Variants in EML5 observed in about 807,000 individuals in gnomAD.
EML5 encodes echinoderm microtubule-associated protein-like 5.
EML5 carries 120 observed loss-of-function variants against 250.0 expected under a neutral mutation model. The ratio of observed to expected loss-of-function variants is 0.48; its 90% CI spans 0.41 to 0.56. The LOEUF (loss-of-function observed/expected upper bound fraction) is 0.56, where lower values mean the gene tolerates loss of function less well. Among genes scored for constraint, EML5 ranks in the 20% least tolerant of loss-of-function variants. The pLI is 0.00. For missense variants in EML5, 2,006 were observed against 2,437.6 expected (o/e 0.82, Z 3.73); for synonymous variants, 771 against 806.5 (o/e 0.96, Z 0.75).
intron 23 of EML5, 109 bp from the exon 24 acceptor site, chr14:88,663,228 A>G (rs968912901): frequency 8.0e-6 from 5 of 627,976 alleles, no homozygotes; most frequent in African/African-American, 7.7e-5. Flanking sequence ...AAATATAAAA[A>G]CCATTTTCTG....
chr14:88,658,765 T>C (rs1422595318), intron 25 of EML5, among the ~76,000 whole-genome samples: 3 of 152,110 alleles, frequency 2.0e-5, no homozygotes, highest in South Asian at 2.1e-4. Flanking sequence ...CTTATAGTAG[T>C]GAAAAAAATT....
rs1595452731 is a variant in EML5, at chr14:88,669,179, G to A, written c.3125-3690C>T. 2.0e-5 allele frequency among the ~76,000 whole-genome samples: 3 copies of A among 152,280 alleles called. 1 individual carries two copies. Among genetic ancestry groups the A allele is most frequent in the Admixed American group, 2.0e-4 (3 of 15,296 alleles). Reference sequence around the variant, plus strand: ...TGGATCTGTGCAACTGGTGGATCAGGAGATCCCCTCCGTGAGCCCATGCCA... The same window carrying A: ...TGGATCTGTGCAACTGGTGGATCAGAAGATCCCCTCCGTGAGCCCATGCCA... On this transcript the variant is annotated intron_variant, in intron 21 of 43. Coordinates refer to ENST00000554922, the MANE Select transcript of EML5 (RefSeq NM_183387.3).
intron 27 of EML5, among the ~76,000 whole-genome samples, chr14:88,654,038 T>C (rs2091760720): frequency 6.6e-6 from 1 of 152,156 alleles, no homozygotes. Context: ...CAGGAATTTA[T>C]CCACTTCTAG....
chr14:88,654,646 T>G (rs1555427409), intron 27 of EML5, among the ~76,000 whole-genome samples: 4 of 152,180 alleles, frequency 2.6e-5, no homozygotes, highest in Non-Finnish European at 1.5e-5. Context: ...TTTGAGAGAC[T>G]GTTTGTTATG....
chr14:88,686,336 G>A (rs1383018809), intron 19 of EML5, among the ~76,000 whole-genome samples: 1 of 151,802 alleles, frequency 6.6e-6, no homozygotes, highest in Non-Finnish European at 1.5e-5. Context: ...ACACCAACAT[G>A]GCACATGTAT....
chr14:88,668,103 T>C (rs1258164786), intron 21 of EML5, among the ~76,000 whole-genome samples: 5 of 152,238 alleles, frequency 3.3e-5, no homozygotes, highest in African/African-American at 1.2e-4. Flanking sequence ...TCTCCCTTAG[T>C]ACTAGGGTTG....
intron 9 of EML5, among the ~76,000 whole-genome samples, chr14:88,713,462 CACTT>C (rs1429779555): frequency 1.3e-5 from 2 of 151,938 alleles, no homozygotes; most frequent in African/African-American, 2.4e-5. Flanking sequence ...TGCACTCACT[CACTT>C]GTTAATTTAT....
At chr14:88,735,274 C>T (rs1595717909) in intron 7 of EML5, among the ~76,000 whole-genome samples, 2 of 152,062 alleles carry the variant, frequency 1.3e-5, no homozygotes, top group African/African-American at 4.8e-5. Flanking sequence ...TGATGTTGCT[C>T]GTCTAGGAAC....
chr14:88,721,752 C>T (rs1046853498), intron 8 of EML5, among the ~76,000 whole-genome samples: 3 of 152,010 alleles, frequency 2.0e-5, no homozygotes, highest in African/African-American at 4.8e-5. Context: ...TGCAACAAAA[C>T]AAAAATTGAC....
chr14:88,655,319 T>C (rs183748715), intron 27 of EML5, among the ~76,000 whole-genome samples: 7 of 152,158 alleles, frequency 4.6e-5, no homozygotes, highest in Admixed American at 1.3e-4. Flanking sequence ...TCAGGAATAA[T>C]GCCACATATC....
chr14:88,746,086 A>G (rs2094000645), intron 3 of EML5, 99 bp downstream of exon 3: 1 of 904,878 alleles, frequency 1.1e-6, no homozygotes. Flanking sequence ...CATATGACCT[A>G]TCTGGCAATA....
chr14:88,697,943 G>A (rs2093118181), intron 14 of EML5, among the ~76,000 whole-genome samples: 2 of 151,910 alleles, frequency 1.3e-5, no homozygotes, highest in Admixed American at 1.3e-4. Context: ...CTCCATGTTG[G>A]TCAGGCTGGT....
At position 88,644,442 on chromosome 14, in the gene EML5, T is replaced by A; in HGVS notation, c.4098A>T (p.Arg1366Ser). The A allele has an allele frequency of 6.2e-7, 1 of 1,613,768 alleles. No homozygotes were observed. Among genetic ancestry groups the A allele is most frequent in the East Asian group, 2.2e-5 (1 of 44,852 alleles). ...LQTNNVGKKK[R>S]PIEDLVLELI... ...AGTGAGTTTTCCTTACCTCTATAGG[T>A]CTCTTTTTCTTGCCTACATTGTTTG... is the stretch of plus-strand genomic sequence containing the variant. Residue 1366 changes from arginine (R) to serine (S), a missense_variant, in exon 30 of 44, where the codon AGA (arginine) becomes AGT (serine). By Grantham distance (110) the Arg-to-Ser change is moderately radical (BLOSUM62 -1). Coordinates refer to ENST00000554922, the MANE Select transcript of EML5 (RefSeq NM_183387.3).
At chr14:88,742,386 T>C (rs1240363674) in intron 4 of EML5, among the ~76,000 whole-genome samples, 21 of 152,168 alleles carry the variant, frequency 1.4e-4, no homozygotes, top group Admixed American at 1.4e-3. Context: ...TAGCTATGTA[T>C]GGTTGGACAG....
chr14:88,647,527 T>C (rs1450031788), intron 28 of EML5, among the ~76,000 whole-genome samples: 1 of 151,466 alleles, frequency 6.6e-6, no homozygotes. Context: ...TGAGACCCCA[T>C]CTCTATAAAA....
chr14:88,663,178 A>C, intron 23 of EML5, 59 bp from the exon 24 acceptor site: 16 of 1,094,106 alleles, frequency 1.5e-5, no homozygotes, highest in Non-Finnish European at 2.0e-5. Context: ...TATATATACC[A>C]TCAGTATGAT....
At chr14:88,787,326 G>A (rs2094561257) in intron 1 of EML5, among the ~76,000 whole-genome samples, 1 of 152,150 alleles carries the variant, frequency 6.6e-6, no homozygotes, top group African/African-American at 2.4e-5. Context: ...TCTTAAGGCA[G>A]GGATTCTTGC....
In EML5 at chr14:88,618,679, C is replaced by G. The variant is rs757914696; in HGVS notation, c.5509G>C (p.Asp1837His). ...AGATAACTGCTATCTGCAGAGAAGT[C>G]CATTTGAATGACAAAGCTTGGAATG... ...KDIPSFVIQMDFSADSSYLQV... is the reference protein window; with the variant it reads ...KDIPSFVIQMHFSADSSYLQV... The change falls in exon 40 of 44, where the codon GAC becomes CAC. Residue 1837 changes from aspartate (D) to histidine (H), a missense_variant. Transcript: ENST00000554922. 1 of 1,612,882 alleles carries G rather than the reference C, an allele frequency of 6.2e-7. No homozygotes were observed. The highest frequency in any genetic ancestry group is 1.1e-5 in the South Asian group (1 of 90,722).
intron 1 of EML5, among the ~76,000 whole-genome samples, chr14:88,784,492 G>A (rs569570989): frequency 6.6e-6 from 1 of 151,794 alleles, no homozygotes; most frequent in South Asian, 2.1e-4. Flanking sequence ...AGGATCATTA[G>A]TGGCTTCTAT....
Sources: allele counts gnomAD v4.1 joint callset (sites outside exome capture counted in the v4.1 genomes callset), GRCh38; gene constraint gnomAD v4.1.1; transcripts MANE v1.5; gene names NCBI Gene and HGNC (gene_info 2026-07-23, HGNC 2026-07-21).